The following BRD8 variants were observed in gnomAD, a reference collection of about 807,000 sequenced individuals.
BRD8 encodes bromodomain-containing protein 8.
A neutral mutation model predicts 143.1 loss-of-function variants in BRD8; 67 were observed. The observed-to-expected ratio is 0.47, with a 90% CI of 0.38 to 0.57. The LOEUF (loss-of-function observed/expected upper bound fraction) is 0.57, where lower values mean the gene tolerates loss of function less well. Among genes scored for constraint, BRD8 ranks in the 20% least tolerant of loss-of-function variants. BRD8 has a pLI of 0.00. For missense variants in BRD8, 1,103 were observed against 1,503.0 expected (o/e 0.73, Z 4.40); for synonymous variants, 505 against 517.1 (o/e 0.98, Z 0.32).
chr5:138,176,516 G>C (rs1456662054), intron 2 of BRD8, among the ~76,000 whole-genome samples: 1 of 152,202 alleles, frequency 6.6e-6, no homozygotes, highest in Non-Finnish European at 1.5e-5. Flanking sequence ...GGAGGTTGCA[G>C]TGAGCCAAGA....
rs1561618761 is a variant in BRD8, at chr5:138,170,920, A to G, written c.360-8T>C. 1 of 1,613,898 alleles carries G rather than the reference A, an allele frequency of 6.2e-7. No individual in the cohort carries two copies. The highest frequency in any genetic ancestry group is 2.2e-5 in the East Asian group (1 of 44,880). On this transcript the variant is annotated splice_polypyrimidine_tract_variant and splice_region_variant and intron_variant, in intron 5 of 26. Transcript: ENST00000254900. ...GCATCTCTCTTTAGCCGTCTATAGGAAGAAAGAGAGGTAGGTAGACTGGGT... is the reference window on the plus strand; with the variant it reads ...GCATCTCTCTTTAGCCGTCTATAGGGAGAAAGAGAGGTAGGTAGACTGGGT...
At position 138,153,990 on chromosome 5, in the gene BRD8, T is replaced by G. The variant is rs537467252; in HGVS notation, c.2578-1230A>C. Among the ~76,000 whole-genome samples, 4 of 152,300 alleles carry G rather than the reference T, an allele frequency of 2.6e-5. No homozygotes were observed. The South Asian group carries it at 8.3e-4, about 32-fold the overall frequency. ...CACACCCGACCCCATCACCATTTTC[T>G]TAGTCTACAGAACCCACAATTCTGT... On this transcript the variant is annotated intron_variant, in intron 20 of 26. Transcript: ENST00000254900.
Position 138,165,981 on chromosome 5 carries a change from C to T in BRD8, c.1125G>A (p.Gly375=). The T allele has an allele frequency of 6.2e-7, 1 of 1,614,166 alleles. No individual in the cohort carries two copies. Among genetic ancestry groups the T allele is most frequent in the Non-Finnish European group, 8.5e-7 (1 of 1,180,038 alleles). The change falls in exon 11 of 27, where the codon GGG becomes GGA. Residue 375 remains glycine, a synonymous_variant. Coordinates refer to ENST00000254900, the MANE Select transcript of BRD8 (RefSeq NM_139199.2). ...NSIKEECFRS[G]VAEAPVGSKA... ...TTGATCCAACAGGAGCCTCTGCTACCCCTGATCGAAAACACTCTTCTTTGA... is the reference window on the plus strand; with the variant it reads ...TTGATCCAACAGGAGCCTCTGCTACTCCTGATCGAAAACACTCTTCTTTGA...
chr5:138,160,238 T>C, intron 18 of BRD8, 65 bp from the exon 19 acceptor site: 1 of 1,089,414 alleles, frequency 9.2e-7, no homozygotes, highest in South Asian at 1.2e-5. Context: ...TTAAGTACAC[T>C]TTAAGCACTG....
chr5:138,177,379 A>T, intron 2 of BRD8, 192 bp downstream of exon 2: 1 of 384,188 alleles, frequency 2.6e-6, no homozygotes, highest in Non-Finnish European at 4.8e-6. Context: ...AAAAATACAA[A>T]AATTAGCTGG....
At chr5:138,170,704 C>T (rs1225850964) in intron 6 of BRD8, 128 bp downstream of exon 6, 3 of 898,532 alleles carry the variant, frequency 3.3e-6, no homozygotes, top group Non-Finnish European at 5.4e-6. Flanking sequence ...AACCACTTTG[C>T]AGCTTTCCCC....
chr5:138,140,354 G>A (rs1399268934), intron 26 of BRD8, among the ~76,000 whole-genome samples, 188 bp from the exon 27 acceptor site: 7 of 152,186 alleles, frequency 4.6e-5, no homozygotes, highest in Non-Finnish European at 7.3e-5. Flanking sequence ...AAGTGTGAAC[G>A]TACATTAATA....
chr5:138,150,711 C>A, intron 22 of BRD8, 34 bp downstream of exon 22: 3 of 1,571,030 alleles, frequency 1.9e-6, no homozygotes, highest in Non-Finnish European at 2.6e-6. Context: ...AGGCAGAAGA[C>A]CAACAAGACA....
chr5:138,174,680 C>A (rs1754173574), intron 2 of BRD8, among the ~76,000 whole-genome samples: 1 of 151,884 alleles, frequency 6.6e-6, no homozygotes, highest in Non-Finnish European at 1.5e-5. Flanking sequence ...TTCTTACCAA[C>A]CCCCTTCCTT....
intron 25 of BRD8, among the ~76,000 whole-genome samples, chr5:138,141,810 G>A (rs921802738): frequency 6.6e-6 from 1 of 151,876 alleles, no homozygotes; most frequent in Non-Finnish European, 1.5e-5. Flanking sequence ...AGAAGGCACA[G>A]CAGTGTAGAA....
At chr5:138,147,902 C>T (rs772548612) in intron 23 of BRD8, among the ~76,000 whole-genome samples, 1 of 151,720 alleles carries the variant, frequency 6.6e-6, no homozygotes, top group East Asian at 1.9e-4. Context: ...CATGCCATTG[C>T]ACTCTAACTT....
rs1489591775 is a variant in BRD8, at chr5:138,160,885, A to G, written c.2427+6T>C. ...CTTGCTGAAACACAAAGGATCCTCA[A>G]AGTACCTGGATCTGTTCCAAGACAT... On this transcript the variant is annotated splice_donor_region_variant and intron_variant, in intron 18 of 26. Transcript: ENST00000254900. The G allele has an allele frequency of 1.3e-6, 2 of 1,563,152 alleles. No homozygotes were observed. Among genetic ancestry groups the G allele is most frequent in the South Asian group, 1.2e-5 (1 of 84,066 alleles).
chr5:138,149,379 A>G (rs1387313757), intron 23 of BRD8, among the ~76,000 whole-genome samples: 1 of 152,140 alleles, frequency 6.6e-6, no homozygotes, highest in Non-Finnish European at 1.5e-5. Flanking sequence ...TTGGCCTCCC[A>G]AAGTGCTGGA....
rs749419564 is a variant in BRD8 at position 138,168,006 on chromosome 5, C to A, written c.715G>T (p.Val239Phe). The A allele has an allele frequency of 6.8e-6, 11 of 1,613,090 alleles. No homozygotes were observed. In the Admixed American group the frequency reaches 1.5e-4, roughly 22 times the overall value. ...TCCCCACCATGTATCATGGGAAGGA[C>A]CCCGCCTACCTCCAGGAGGACACCT... Reference protein sequence around the residue: ...STGVLLEVGGVLPMIHGGEIQ... With the variant: ...STGVLLEVGGFLPMIHGGEIQ... Residue 239 changes from valine to phenylalanine, a missense_variant, in exon 9 of 27, where the codon GTC (valine) becomes TTC (phenylalanine). By Grantham distance (50) the Val-to-Phe change is conservative. Coordinates refer to ENST00000254900, the MANE Select transcript of BRD8 (RefSeq NM_139199.2).
rs1202737474 is a variant in BRD8 at position 138,164,665 on chromosome 5, A to G, written c.1731+49T>C. The G allele has an allele frequency of 3.1e-6, 5 of 1,588,148 alleles. No homozygotes were observed. The East Asian group carries it at 1.1e-4, about 35-fold the overall frequency. On this transcript the variant is annotated intron_variant, in intron 12 of 26. Coordinates refer to ENST00000254900, the MANE Select transcript of BRD8 (RefSeq NM_139199.2). ...CAAAAAGCCTAAGCTGTCACTTCTT[A>G]TCTAAGGTATAAACCTCCATCTCCC...
At position 138,152,524 on chromosome 5, in the gene BRD8, T is replaced by C. The variant is rs1441756563; in HGVS notation, c.2814A>G (p.Ala938=). The C allele has an allele frequency of 2.5e-6, 4 of 1,614,210 alleles. No individual in the cohort carries two copies. In the South Asian group the frequency reaches 3.3e-5, roughly 13 times the overall value. ...DGGSEESQEA[A]RKASHQNLLH... is the part of the protein sequence containing the mutation. ...GGAGGTTCTGGTGGCTGGCTTTCCTTGCCGCTTCCTGAGATTCCTCACTGC... is the reference window on the plus strand; with the variant it reads ...GGAGGTTCTGGTGGCTGGCTTTCCTCGCCGCTTCCTGAGATTCCTCACTGC... The change falls in exon 21 of 27, where the codon GCA becomes GCG. Residue 938 remains alanine (A), a synonymous_variant. Transcript: ENST00000254900.
chr5:138,143,888 A>C (rs541598952), intron 25 of BRD8, among the ~76,000 whole-genome samples: 13 of 152,188 alleles, frequency 8.5e-5, no homozygotes, highest in Non-Finnish European at 1.9e-4. Flanking sequence ...GATGTGGAGG[A>C]GGCCAAATAA....
intron 7 of BRD8, 168 bp from the exon 8 acceptor site, chr5:138,169,526 T>C (rs928459405): frequency 4.2e-6 from 3 of 708,780 alleles, no homozygotes; most frequent in African/African-American, 3.6e-5. Context: ...GATAACTTTT[T>C]AGCCTAATTT....
Position 138,160,094 on chromosome 5 carries a change from G to A in BRD8, c.2507C>T (p.Thr836Ile). 6.2e-7 allele frequency: 1 copy of A among 1,613,992 alleles called. No homozygotes were observed. Among genetic ancestry groups the A allele is most frequent in the Admixed American group, 1.7e-5 (1 of 60,006 alleles). The change falls in exon 19 of 27, where the codon ACC (threonine) becomes ATC (isoleucine). Residue 836 changes from threonine (T) to isoleucine (I), a missense_variant. Physicochemically the swap from Thr to Ile is moderately conservative, Grantham distance 89. This residue lies in a region of BRD8 where 64 missense variants were observed against 211.3 expected (regional missense o/e 0.30). Transcript: ENST00000254900. ...SAKSLRGRDS[T>I]RKQDASEKDS... is the part of the protein sequence containing the mutation. Reference sequence around the variant, plus strand: ...CTTCTCTGAAGCATCCTGTTTGCGGGTAGAATCTCTCCCTCGAAGACTTTT... The same window carrying A: ...CTTCTCTGAAGCATCCTGTTTGCGGATAGAATCTCTCCCTCGAAGACTTTT...
Sources: gnomAD v4.1 joint callset for allele counts (sites outside exome capture counted in the v4.1 genomes callset) on GRCh38, gnomAD v4.1.1 for gene constraint, gnomAD v4.1.1 regional missense constraint, MANE v1.5 for transcripts, NCBI Gene and HGNC (gene_info 2026-07-23, HGNC 2026-07-21) for gene names.